ERBIN: variants seen among roughly 807,000 people sequenced by gnomAD.
The protein encoded by ERBIN is erbb2 interacting protein.
In ERBIN, 60 loss-of-function variants were observed where a neutral mutation model predicts 158.4. The observed-to-expected ratio is 0.38, with a 90% CI of 0.31 to 0.47. The LOEUF is 0.47. ERBIN is among the 20% of genes least tolerant of loss of function. The pLI, the probability that ERBIN is intolerant of heterozygous loss-of-function variation, is 0.99. For missense variants in ERBIN, 1,610 were observed against 1,648.0 expected (o/e 0.98, Z 0.40); for synonymous variants, 594 against 557.2 (o/e 1.07, Z -0.93).
At chr5:65,975,340 C>T (rs771847959) in intron 1 of ERBIN, among the ~76,000 whole-genome samples, 3 of 152,124 alleles carry the variant, frequency 2.0e-5, no homozygotes, top group South Asian at 2.1e-4. Flanking sequence ...GAGTCTCACT[C>T]TGTCACCCAG....
chr5:66,030,198 C>T (rs1013051622), intron 14 of ERBIN, among the ~76,000 whole-genome samples: 1 of 151,956 alleles, frequency 6.6e-6, no homozygotes, highest in Non-Finnish European at 1.5e-5. Context: ...GCCACCACGC[C>T]CGGCTAATTT....
rs368593782 is a variant in ERBIN, at chr5:66,048,734, C to T, written c.1856C>T (p.Thr619Ile). The change falls in exon 19 of 26, where the codon ACC becomes ATC. Residue 619 changes from threonine to isoleucine, a missense_variant. Physicochemically the swap from Thr to Ile is moderately conservative, Grantham distance 89. Transcript: ENST00000284037. ...MAEMRPPLIE[T>I]SINQPKVVAL... ...GAGATGCGACCACCATTAATTGAAA[C>T]CTCTATTAACCAGCCAAAAGTCGTA... The T allele has an allele frequency of 9.3e-6, 15 of 1,607,160 alleles. No individual in the cohort carries two copies. Among genetic ancestry groups the T allele is most frequent in the Non-Finnish European group, 1.3e-5 (15 of 1,176,770 alleles).
intron 1 of ERBIN, among the ~76,000 whole-genome samples, chr5:65,940,484 C>CT (rs1316845073): frequency 1.5e-5 from 2 of 132,248 alleles, no homozygotes; most frequent in South Asian, 2.4e-4. Context: ...AGTCCCCCCC[C>CT]CCCCGGCCAG....
chr5:66,035,083 A>T (rs920891446), intron 14 of ERBIN, among the ~76,000 whole-genome samples: 3 of 152,088 alleles, frequency 2.0e-5, no homozygotes, highest in African/African-American at 7.2e-5. Flanking sequence ...ACTGCTCCTC[A>T]GTCTCCTTTT....
At chr5:65,995,324 C>T (rs977115821) in intron 4 of ERBIN, among the ~76,000 whole-genome samples, 1 of 151,794 alleles carries the variant, frequency 6.6e-6, no homozygotes, top group African/African-American at 2.4e-5. Context: ...CACCATGCTA[C>T]TCTGCCTCTG....
At chr5:66,039,420 A>G (rs1051667115) in intron 15 of ERBIN, among the ~76,000 whole-genome samples, 3 of 151,942 alleles carry the variant, frequency 2.0e-5, no homozygotes, top group Non-Finnish European at 4.4e-5. Context: ...TGATTATAAC[A>G]TTATTTAGAG....
chr5:66,077,150 C>CAAA (rs397977892), intron 25 of ERBIN, among the ~76,000 whole-genome samples: 4 of 74,568 alleles, frequency 5.4e-5, no homozygotes, highest in Admixed American at 1.5e-4. Context: ...GACTCTGTCT[C>CAAA]AAAAAAAAAA....
chr5:66,021,378 C>T lies in ERBIN; in HGVS notation c.590C>T (p.Thr197Met), dbSNP rs146136641. 1,517 of 1,598,268 alleles carry T rather than the reference C, an allele frequency of 9.5e-4. 4 individuals are homozygous for T. Among genetic ancestry groups the T allele is most frequent in the Non-Finnish European group, 1.2e-3 (1,362 of 1,168,834 alleles). Residue 197 changes from threonine to methionine, a missense_variant, in exon 8 of 26, where the codon ACG becomes ATG. By Grantham distance (81) the Thr-to-Met change is moderately conservative. Coordinates refer to ENST00000284037, the MANE Select transcript of ERBIN (RefSeq NM_001253697.2). ...CTGGATTTGGGAAGTAACGAATTCA[C>T]GGAAGTGGTAAGTTCTCATCAGTCT... The part of the protein sequence containing the change: ...ERLDLGSNEF[T>M]EVPEVLEQLS...
At chr5:65,948,322 G>A (rs1746053687) in intron 1 of ERBIN, among the ~76,000 whole-genome samples, 1 of 151,758 alleles carries the variant, frequency 6.6e-6, no homozygotes. Context: ...CTACAAGTGC[G>A]GGCTACAATG....
rs537244875 is a variant in ERBIN, at chr5:66,041,166, A to G, written c.1307-1911A>G. On this transcript the variant is annotated intron_variant, in intron 15 of 25. Coordinates refer to ENST00000284037, the MANE Select transcript of ERBIN (RefSeq NM_001253697.2). ...CTTAATAGAGAAGGAAGTAAAACCTAGAGTGATTTTACAAGGAGCAAAAGA... is the reference window on the plus strand; with the variant it reads ...CTTAATAGAGAAGGAAGTAAAACCTGGAGTGATTTTACAAGGAGCAAAAGA... Among the ~76,000 whole-genome samples, 6 of 152,106 alleles carry G rather than the reference A, an allele frequency of 3.9e-5. No individual in the cohort carries two copies. In the East Asian group the frequency reaches 1.2e-3, roughly 29 times the overall value.
At chr5:65,928,502 C>T (rs950006695) in intron 1 of ERBIN, among the ~76,000 whole-genome samples, 1 of 152,184 alleles carries the variant, frequency 6.6e-6, no homozygotes, top group South Asian at 2.1e-4. Flanking sequence ...AAGTCCCTTA[C>T]AGAGAATTAT....
At chr5:66,074,804 AGT>A (rs1223647933) in intron 22 of ERBIN, among the ~76,000 whole-genome samples, 1 of 152,206 alleles carries the variant, frequency 6.6e-6, no homozygotes, top group African/African-American at 2.4e-5. Context: ...TAAAAAAGTG[AGT>A]GTAACAACAA....
chr5:66,018,239 A>G (rs1580362176), intron 7 of ERBIN, among the ~76,000 whole-genome samples: 1 of 150,346 alleles, frequency 6.7e-6, no homozygotes, highest in Non-Finnish European at 1.5e-5. Flanking sequence ...TAGGGATGAC[A>G]TTGAATCTGT....
rs1348758277 is a variant in ERBIN, at chr5:66,079,062, T to C, written c.*532T>C. ...AGTAGGTGAAGGTGGTGCTGGTGGG[T>C]TCACTTTCCAAGGCCAGACTAAAAC... On this transcript the variant is annotated 3_prime_UTR_variant, in exon 26 of 26. Coordinates refer to ENST00000284037, the MANE Select transcript of ERBIN (RefSeq NM_001253697.2). The C allele has an allele frequency of 2.6e-5, 4 of 153,032 alleles. No homozygotes were observed. Among genetic ancestry groups the C allele is most frequent in the Non-Finnish European group, 2.9e-5 (2 of 68,382 alleles). 9.5% of individuals were successfully genotyped at this position (153,032 alleles called of 1,614,324 possible).
At position 66,080,558 on chromosome 5, in the gene ERBIN, A is replaced by G. The variant is rs907555335; in HGVS notation, c.*2028A>G. The G allele has an allele frequency of 3.3e-5, 5 of 151,598 alleles. No homozygotes were observed. Among genetic ancestry groups the G allele is most frequent in the African/African-American group, 1.2e-4 (5 of 41,378 alleles). The allele number at this position is 151,598 out of a possible 1,614,324, so 9.4% of individuals were successfully genotyped here. On this transcript the variant is annotated 3_prime_UTR_variant, in exon 26 of 26. Coordinates refer to ENST00000284037, the MANE Select transcript of ERBIN (RefSeq NM_001253697.2). ...TATTCTTAGTTTGTTTTTAAATATT[A>G]ATTTTGGCATTCTAAAATAGCTAAC...
At chr5:65,998,383 C>G (rs987242937) in intron 4 of ERBIN, among the ~76,000 whole-genome samples, 3 of 151,526 alleles carry the variant, frequency 2.0e-5, no homozygotes, top group Non-Finnish European at 4.4e-5. Flanking sequence ...TTATGTTCAT[C>G]CTAGGTTAAG....
chr5:65,971,756 T>C (rs1749270358), intron 1 of ERBIN, among the ~76,000 whole-genome samples: 1 of 152,234 alleles, frequency 6.6e-6, no homozygotes, highest in Non-Finnish European at 1.5e-5. Context: ...ACAGTTCCGC[T>C]AAATGCAGGG....
intron 21 of ERBIN, among the ~76,000 whole-genome samples, chr5:66,071,516 T>G (rs1761528583): frequency 6.6e-6 from 1 of 152,202 alleles, no homozygotes; most frequent in African/African-American, 2.4e-5. Flanking sequence ...TAATAGCATT[T>G]CTCCATATCA....
At chr5:66,007,526 C>T (rs1293244408) in intron 4 of ERBIN, among the ~76,000 whole-genome samples, 1 of 146,644 alleles carries the variant, frequency 6.8e-6, no homozygotes, top group Non-Finnish European at 1.5e-5. Flanking sequence ...TGCACATGTA[C>T]CCTAAAACTT....
Sources: gnomAD v4.1 joint callset for allele counts (sites outside exome capture counted in the v4.1 genomes callset) on GRCh38, gnomAD v4.1.1 for gene constraint, MANE v1.5 for transcripts, NCBI Gene and HGNC (gene_info 2026-07-23, HGNC 2026-07-21) for gene names.